EIF3H: variants seen among roughly 807,000 people sequenced by gnomAD.
EIF3H encodes eukaryotic translation initiation factor 3 subunit H.
Under a neutral mutation model 44.2 loss-of-function variants are expected in EIF3H, and 26 were observed. The ratio of observed to expected loss-of-function variants is 0.59; its 90% CI spans 0.43 to 0.82. The LOEUF (loss-of-function observed/expected upper bound fraction) is 0.82. Among genes scored for constraint, EIF3H ranks in the 40% least tolerant of loss-of-function variants. The probability of loss-of-function intolerance (pLI) is 0.00; values close to 1 mark genes in which losing one functional copy is unlikely to be tolerated. For missense variants in EIF3H, 359 were observed against 432.8 expected (o/e 0.83, Z 1.51); for synonymous variants, 166 against 151.9 (o/e 1.09, Z -0.68).
Position 116,762,910 on chromosome 8 carries a change from C to T in EIF3H, c.-27+2605G>A, listed in dbSNP as rs147255095. On this transcript the variant is annotated intron_variant, in intron 1 of 9. Transcript: ENST00000276682. The stretch of plus-strand genomic sequence containing the variant: ...AGTGAGCCAAGATTGTGCCACTGCA[C>T]TCCACCATAGGCAACAGAGCGAGAC... Among the ~76,000 whole-genome samples the T allele has an allele frequency of 5.6e-3, 855 of 152,152 alleles. 4 individuals carry two copies. Among genetic ancestry groups the T allele is most frequent in the Non-Finnish European group, 9.4e-3 (641 of 68,008 alleles).
rs1355395757 is a variant in EIF3H, at chr8:116,679,928, CT to C, written c.290-20949del. Reference sequence around the variant, plus strand: ...GGAGGTGGGGGGATCAGCCCCCCCCCTGGCCAGCCGCCCCGTCCGGGAGGTG... The same window carrying C: ...GGAGGTGGGGGGATCAGCCCCCCCCCGGCCAGCCGCCCCGTCCGGGAGGTG... On this transcript the variant is annotated intron_variant, in intron 2 of 7. Transcript: ENST00000521861. Among the ~76,000 whole-genome samples the C allele has an allele frequency of 4.1e-3, 34 of 8,268 alleles. 6 individuals are homozygous for C. The East Asian group carries it at 0.046, about 11-fold the overall frequency. The allele number at this position is 8,268 out of a possible 152,430, so 5.4% of individuals were successfully genotyped here.
At chr8:116,689,697 G>A (rs914404828) in intron 2 of EIF3H, among the ~76,000 whole-genome samples, 3 of 152,066 alleles carry the variant, frequency 2.0e-5, no homozygotes, top group African/African-American at 7.2e-5. Flanking sequence ...TCAGTAATAT[G>A]GGTTGTATAC....
chr8:116,673,962 C>G (rs921168531), intron 2 of EIF3H, among the ~76,000 whole-genome samples: 1 of 149,988 alleles, frequency 6.7e-6, no homozygotes, highest in Non-Finnish European at 1.5e-5. Context: ...CCCAGCTACC[C>G]GGGAGGCTGA....
At chr8:116,755,281 G>A (rs991483377) in intron 1 of EIF3H, among the ~76,000 whole-genome samples, 4 of 152,180 alleles carry the variant, frequency 2.6e-5, no homozygotes, top group African/African-American at 7.2e-5. Context: ...TCCCAGCAGG[G>A]AATCAGTGGA....
At chr8:116,645,834 T>G (rs1325063102) in intron 7 of EIF3H, among the ~76,000 whole-genome samples, 1 of 152,236 alleles carries the variant, frequency 6.6e-6, no homozygotes, top group Non-Finnish European at 1.5e-5. Flanking sequence ...CCAATCAGCT[T>G]TTGAGTAGGA....
chr8:116,758,932 A>C (rs1427333017), upstream of EIF3H, among the ~76,000 whole-genome samples: 2 of 152,216 alleles, frequency 1.3e-5, no homozygotes, highest in Admixed American at 6.5e-5. Context: ...AATGTGTCAA[A>C]TCCATCATCT....
At chr8:116,676,247 C>T (rs1413159317) in intron 2 of EIF3H, among the ~76,000 whole-genome samples, 3 of 152,168 alleles carry the variant, frequency 2.0e-5, no homozygotes, top group African/African-American at 7.2e-5. Flanking sequence ...AGAAAGAATA[C>T]AAAGTGGGGA....
At chr8:116,750,656 C>T (rs921838672) in intron 1 of EIF3H, among the ~76,000 whole-genome samples, 4 of 151,848 alleles carry the variant, frequency 2.6e-5, no homozygotes, top group Non-Finnish European at 4.4e-5. Flanking sequence ...TGTGATCTGC[C>T]TGCCTTGGCC....
At chr8:116,666,881 G>A (rs1813678347) in intron 2 of EIF3H, among the ~76,000 whole-genome samples, 3 of 150,004 alleles carry the variant, frequency 2.0e-5, no homozygotes, top group Admixed American at 1.3e-4. Flanking sequence ...TATTTCCAAA[G>A]AATGGAATAT....
At chr8:116,712,358 G>A (rs1814587552) in intron 2 of EIF3H, among the ~76,000 whole-genome samples, 1 of 152,182 alleles carries the variant, frequency 6.6e-6, no homozygotes, top group Non-Finnish European at 1.5e-5. Flanking sequence ...TCGGTCACAG[G>A]AAAGAAGGGC....
chr8:116,752,692 GAAAGA>G (rs1203467115), intron 1 of EIF3H, among the ~76,000 whole-genome samples: 2 of 122,250 alleles, frequency 1.6e-5, no homozygotes, highest in African/African-American at 6.0e-5. Context: ...AAGAAAGAAA[GAAAGA>G]AAGAAAGAAA....
chr8:116,647,636 C>A (rs1371861653), intron 6 of EIF3H, among the ~76,000 whole-genome samples: 1 of 152,172 alleles, frequency 6.6e-6, no homozygotes, highest in Admixed American at 6.5e-5. Context: ...CCATACACAA[C>A]CTTAAAATGT....
At chr8:116,680,635 C>G (rs1354149005) in intron 2 of EIF3H, among the ~76,000 whole-genome samples, 1 of 123,906 alleles carries the variant, frequency 8.1e-6, no homozygotes, top group African/African-American at 3.1e-5. Context: ...GCAGCATGCT[C>G]GTTAAGAGTC....
intron 1 of EIF3H, among the ~76,000 whole-genome samples, chr8:116,727,750 TTAG>T (rs1814871236): frequency 6.6e-6 from 1 of 152,240 alleles, no homozygotes. Flanking sequence ...ACATTATTTT[TTAG>T]TAGAATTGTT....
At chr8:116,663,930 C>CAAAA (rs779193805) in intron 2 of EIF3H, among the ~76,000 whole-genome samples, 18 of 76,202 alleles carry the variant, frequency 2.4e-4, no homozygotes, top group African/African-American at 6.8e-4. Context: ...GACTCAGTCT[C>CAAAA]AAAAAAAAAA....
chr8:116,682,783 T>C (rs1364314449), intron 2 of EIF3H, among the ~76,000 whole-genome samples: 3 of 152,242 alleles, frequency 2.0e-5, no homozygotes, highest in Non-Finnish European at 2.9e-5. Flanking sequence ...CTGTTACTTC[T>C]ATTCAACAAC....
intron 1 of EIF3H, among the ~76,000 whole-genome samples, chr8:116,746,567 C>G (rs1361068380): frequency 6.6e-6 from 1 of 152,138 alleles, no homozygotes; most frequent in Non-Finnish European, 1.5e-5. Context: ...TGAATTCAAG[C>G]TCCAGGATAT....
At chr8:116,680,592 G>GC (rs2130841904) in intron 2 of EIF3H, among the ~76,000 whole-genome samples, 1 of 110,244 alleles carries the variant, frequency 9.1e-6, no homozygotes, top group East Asian at 2.3e-4. Context: ...TAAGGGCGGT[G>GC]CAAGATGTGC....
At position 116,658,881 on chromosome 8, in the gene EIF3H, G is replaced by C; in HGVS notation, c.389C>G (p.Thr130Ser). The C allele has an allele frequency of 6.2e-7, 1 of 1,613,922 alleles. No individual in the cohort carries two copies. The highest frequency in any genetic ancestry group is 1.1e-5 in the South Asian group (1 of 91,072). ...YQSTYYGSFV[T>S]RALLDSQFSY... ...AAACTGAGAGTCCAGGAGTGCCCGG[G>C]TAACGAATGAGCCATAGTATGTGGA... The change falls in exon 3 of 8, where the codon ACC (threonine) becomes AGC (serine). Residue 130 changes from threonine (T) to serine (S), a missense_variant. Thr to Ser is a moderately conservative substitution (Grantham distance 58, BLOSUM62 1). Coordinates refer to ENST00000521861, the MANE Select transcript of EIF3H (RefSeq NM_003756.3).
Sources: allele counts gnomAD v4.1 joint callset (sites outside exome capture counted in the v4.1 genomes callset), GRCh38; gene constraint gnomAD v4.1.1; transcripts MANE v1.5; gene names NCBI Gene and HGNC (gene_info 2026-07-23, HGNC 2026-07-21).